IARS2: variants seen among roughly 807,000 people sequenced by gnomAD.
IARS2 encodes isoleucyl-tRNA synthetase 2, mitochondrial.
IARS2 carries 56 observed loss-of-function variants against 126.3 expected under a neutral mutation model. The observed-to-expected ratio is 0.44, with a 90% CI of 0.36 to 0.55. The LOEUF is 0.55. Ranked by LOEUF, IARS2 falls within the 20% of genes least tolerant of loss-of-function variation. IARS2 has a pLI of 0.00. For missense variants in IARS2, 1,127 were observed against 1,245.9 expected (o/e 0.90, Z 1.44); for synonymous variants, 407 against 441.1 (o/e 0.92, Z 0.97).
Position 220,094,295 on chromosome 1 carries a change from C to T in IARS2, c.79C>T (p.Leu27Phe), listed in dbSNP as rs752456634. 8.1e-6 allele frequency: 13 copies of T among 1,611,826 alleles called. No individual in the cohort carries two copies. The highest frequency in any genetic ancestry group is 1.1e-5 in the South Asian group (1 of 90,936). The change falls in exon 1 of 23, where the codon CTT becomes TTT. Residue 27 changes from leucine to phenylalanine, a missense_variant. By Grantham distance (22) the Leu-to-Phe change is conservative. Coordinates refer to ENST00000366922, the MANE Select transcript of IARS2 (RefSeq NM_018060.4). ...CCGAAGTTTGTGGGGGACGCCCCGC[C>T]TTCCCTGCAGCCCGGGATGGCAAGG... is the stretch of plus-strand genomic sequence containing the variant. ...TARSLWGTPR[L>F]PCSPGWQGAT...
At chr1:220,136,457 C>T (rs918240059) in intron 15 of IARS2, among the ~76,000 whole-genome samples, 2 of 151,830 alleles carry the variant, frequency 1.3e-5, no homozygotes, top group African/African-American at 2.4e-5. Flanking sequence ...GGAAAGGTTT[C>T]GGCCGGGCAG....
intron 12 of IARS2, among the ~76,000 whole-genome samples, chr1:220,122,897 A>C (rs1657076599): frequency 6.6e-6 from 1 of 151,078 alleles, no homozygotes; most frequent in Non-Finnish European, 1.5e-5. Context: ...GTTTTATTTT[A>C]CTCTTTACCT....
chr1:220,137,713 G>T, intron 16 of IARS2: 1 of 542,638 alleles, frequency 1.8e-6, no homozygotes, highest in African/African-American at 1.9e-5. Flanking sequence ...GAACAAGATT[G>T]CAGAGCACGC....
At chr1:220,127,047 TA>T (rs1226066882) in intron 14 of IARS2, among the ~76,000 whole-genome samples, 1 of 152,240 alleles carries the variant, frequency 6.6e-6, no homozygotes, top group Non-Finnish European at 1.5e-5. Flanking sequence ...AAATTTCATT[TA>T]GAATTTATAA....
At position 220,139,064 on chromosome 1, in the gene IARS2, A is replaced by G; in HGVS notation, c.2232A>G (p.Thr744=). 1 of 1,613,292 alleles carries G rather than the reference A, an allele frequency of 6.2e-7. No homozygotes were observed. Among genetic ancestry groups the G allele is most frequent in the Admixed American group, 1.7e-5 (1 of 60,012 alleles). The part of the protein sequence containing the change: ...LGNVADFNPE[T]DSIPVNDMYV... ...ATGTGGCTGATTTCAACCCAGAAACAGATTCCATCCCTGTAAACGATATGT... is the reference window on the plus strand; with the variant it reads ...ATGTGGCTGATTTCAACCCAGAAACGGATTCCATCCCTGTAAACGATATGT... The change falls in exon 18 of 23, where the codon ACA becomes ACG. Residue 744 remains threonine (T), a synonymous_variant. Coordinates refer to ENST00000366922, the MANE Select transcript of IARS2 (RefSeq NM_018060.4).
At chr1:220,123,428 A>G (rs1657088154) in intron 12 of IARS2, among the ~76,000 whole-genome samples, 1 of 152,164 alleles carries the variant, frequency 6.6e-6, no homozygotes, top group Non-Finnish European at 1.5e-5. Flanking sequence ...ACTGATATCC[A>G]GCTTTTATAA....
rs190919285 is a variant in IARS2, at chr1:220,102,869, T to C, written c.950+92T>C. ...TGAATTTATTTTATCCTGTTTATTA[T>C]TGTAAAATTTAATGAATTATAACTT... is the stretch of plus-strand genomic sequence containing the variant. On this transcript the variant is annotated intron_variant, in intron 7 of 22. Transcript: ENST00000366922. 59 of 766,482 alleles carry C rather than the reference T, an allele frequency of 7.7e-5. 1 individual carries two copies. The Admixed American group carries it at 8.9e-4, about 12-fold the overall frequency. 47.5% of individuals were successfully genotyped at this position (766,482 alleles called of 1,614,324 possible).
intron 12 of IARS2, among the ~76,000 whole-genome samples, chr1:220,121,249 CAA>C (rs1299007550): frequency 6.6e-6 from 1 of 151,968 alleles, no homozygotes; most frequent in Non-Finnish European, 1.5e-5. Flanking sequence ...AAAAGAAAAA[CAA>C]AAAACCTTTC....
chr1:220,098,790 C>A (rs933657045), intron 2 of IARS2, among the ~76,000 whole-genome samples: 7 of 152,060 alleles, frequency 4.6e-5, no homozygotes, highest in African/African-American at 9.7e-5. Context: ...ATTCTTTTCA[C>A]TAGAGGCTTC....
At chr1:220,146,692 G>A (rs145642632) in intron 22 of IARS2, among the ~76,000 whole-genome samples, 88 of 151,912 alleles carry the variant, frequency 5.8e-4, no homozygotes, top group African/African-American at 2.1e-3. Flanking sequence ...TTTTTCTTTC[G>A]GACGGAATTT....
At chr1:220,117,448 C>T (rs1490227706) in intron 12 of IARS2, among the ~76,000 whole-genome samples, 1 of 151,932 alleles carries the variant, frequency 6.6e-6, no homozygotes, top group East Asian at 1.9e-4. Context: ...GATCCGCCCG[C>T]CTCAGCCTCC....
At position 220,096,072 on chromosome 1, in the gene IARS2, A is replaced by G. The variant is rs541482377; in HGVS notation, c.268-32A>G. On this transcript the variant is annotated intron_variant, in intron 1 of 22. Transcript: ENST00000366922. ...AGACTCAGGAGTATGTATTTATATG[A>G]TGTTTAGATATCTTTTTTTTTTTTA... is the stretch of plus-strand genomic sequence containing the variant. 1.0e-4 allele frequency: 127 copies of G among 1,219,210 alleles called. 2 individuals carry two copies. In the South Asian group the frequency reaches 1.6e-3, roughly 16 times the overall value. 75.5% of individuals were successfully genotyped at this position (1,219,210 alleles called of 1,614,324 possible).
intron 21 of IARS2, among the ~76,000 whole-genome samples, chr1:220,144,592 G>A (rs529052085): frequency 1.3e-4 from 20 of 152,266 alleles, no homozygotes; most frequent in African/African-American, 4.8e-4. Context: ...GAGGACTGCT[G>A]AAGCTGTGAC....
chr1:220,119,088 C>T (rs1486168741), intron 12 of IARS2, among the ~76,000 whole-genome samples: 4 of 152,140 alleles, frequency 2.6e-5, no homozygotes, highest in South Asian at 2.1e-4. Context: ...TGACAGCAGT[C>T]GTTTCTTTGT....
chr1:220,140,406 G>T, intron 19 of IARS2, 117 bp downstream of exon 19: 1 of 627,390 alleles, frequency 1.6e-6, no homozygotes. Context: ...AGGAGTTCGA[G>T]ACCAGTATGG....
intron 20 of IARS2, 52 bp from the exon 21 acceptor site, chr1:220,142,892 T>A: frequency 7.7e-7 from 1 of 1,292,660 alleles, no homozygotes; most frequent in Non-Finnish European, 1.1e-6. Flanking sequence ...TAGAGCTTCA[T>A]ATACAGTTTA....
rs982465466 is a variant in IARS2, at chr1:220,106,923, G to A, written c.1237-138G>A. ...CTGGGATTATAGGCCTGAGTGCCGC[G>A]CCCGGCCAAGTACCTAGAATTTCAA... On this transcript the variant is annotated intron_variant, in intron 9 of 22. Transcript: ENST00000366922. 1.6e-5 allele frequency: 10 copies of A among 637,368 alleles called. No homozygotes were observed. The South Asian group carries it at 1.7e-4, about 11-fold the overall frequency. 39.5% of individuals were successfully genotyped at this position (637,368 alleles called of 1,614,324 possible).
chr1:220,109,921 ATCTTT>A (rs1423423883), intron 10 of IARS2, among the ~76,000 whole-genome samples: 1 of 152,224 alleles, frequency 6.6e-6, no homozygotes, highest in Non-Finnish European at 1.5e-5. Context: ...TAATCTGTTC[ATCTTT>A]TCTTTGACGT....
chr1:220,144,861 C>T (rs1657557113), intron 21 of IARS2, among the ~76,000 whole-genome samples: 1 of 152,146 alleles, frequency 6.6e-6, no homozygotes, highest in African/African-American at 2.4e-5. Context: ...CTCTTTGAGT[C>T]TCTTATTTCT....
Sources: gnomAD v4.1 joint callset for allele counts (sites outside exome capture counted in the v4.1 genomes callset) on GRCh38, gnomAD v4.1.1 for gene constraint, MANE v1.5 for transcripts, NCBI Gene and HGNC (gene_info 2026-07-23, HGNC 2026-07-21) for gene names.